Variants in DOCK2 observed in about 807,000 individuals in gnomAD.
DOCK2 encodes dedicator of cytokinesis protein 2.
DOCK2 carries 87 observed loss-of-function variants against 248.9 expected under a neutral mutation model. The observed-to-expected ratio is 0.35, with a 90% confidence interval of 0.29 to 0.42. The LOEUF (loss-of-function observed/expected upper bound fraction) is 0.42. Ranked by LOEUF, DOCK2 falls within the 10% of genes least tolerant of loss-of-function variation. The pLI is 1.00. For synonymous variants in DOCK2, 805 were observed against 821.6 expected (o/e 0.98, Z 0.35); for missense variants, 1,747 against 2,300.2 (o/e 0.76, Z 4.92).
At chr5:169,674,104 A>G (rs530550576) in intron 5 of DOCK2, among the ~76,000 whole-genome samples, 193 bp from the exon 6 acceptor site, 2 of 152,178 alleles carry the variant, frequency 1.3e-5, no homozygotes, top group Admixed American at 1.3e-4. Flanking sequence ...CTTTTGGGAA[A>G]TCCCTGTGGT....
intron 23 of DOCK2, among the ~76,000 whole-genome samples, chr5:169,755,288 G>T (rs138919073): frequency 5.8e-4 from 88 of 152,260 alleles, no homozygotes; most frequent in African/African-American, 2.0e-3. Context: ...CGTATTATAT[G>T]AGTATGTGTG....
intron 25 of DOCK2, among the ~76,000 whole-genome samples, chr5:169,767,235 G>A (rs929769016): frequency 1.3e-5 from 2 of 151,978 alleles, no homozygotes; most frequent in Non-Finnish European, 2.9e-5. Context: ...TTTTTAATGG[G>A]GTTGTTGTTT....
chr5:170,077,110 A>G (rs1382619590), intron 47 of DOCK2, among the ~76,000 whole-genome samples: 2 of 152,226 alleles, frequency 1.3e-5, no homozygotes, highest in Non-Finnish European at 2.9e-5. Flanking sequence ...AGCCAGGTAA[A>G]GAGACACAGA....
At chr5:169,702,252 T>C in intron 13 of DOCK2, 51 bp from the exon 14 acceptor site, 1 of 1,599,444 alleles carries the variant, frequency 6.3e-7, no homozygotes. Context: ...AGTCAGCGTC[T>C]CTCCTGCTGT....
chr5:169,871,011 AG>A (rs1242521141), intron 27 of DOCK2, among the ~76,000 whole-genome samples: 2 of 152,214 alleles, frequency 1.3e-5, no homozygotes, highest in African/African-American at 4.8e-5. Context: ...GTCTACAGAC[AG>A]CTGTATTCCC....
At chr5:169,684,849 G>T (rs1218982287) in intron 8 of DOCK2, among the ~76,000 whole-genome samples, 2 of 152,138 alleles carry the variant, frequency 1.3e-5, no homozygotes, top group African/African-American at 2.4e-5. Context: ...GGGTCTTGCT[G>T]CATTGTCCAG....
intron 32 of DOCK2, among the ~76,000 whole-genome samples, chr5:170,017,781 C>A (rs1581530464): frequency 6.6e-6 from 1 of 152,196 alleles, no homozygotes; most frequent in African/African-American, 2.4e-5. Flanking sequence ...ACACTCAGGC[C>A]GTCTGGCTCC....
intron 27 of DOCK2, among the ~76,000 whole-genome samples, chr5:169,918,522 T>C (rs112096844): frequency 2.6e-5 from 4 of 152,202 alleles, no homozygotes; most frequent in African/African-American, 7.2e-5. Context: ...GATGGATCCA[T>C]ATGTGGTGAA....
chr5:169,937,590 TTATC>T (rs910519440), intron 27 of DOCK2, among the ~76,000 whole-genome samples: 23 of 152,364 alleles, frequency 1.5e-4, no homozygotes, highest in African/African-American at 5.0e-4. Context: ...GCTCAGTTCT[TTATC>T]TATATTAACT....
At chr5:170,074,243 T>C (rs1757770713) in intron 46 of DOCK2, among the ~76,000 whole-genome samples, 1 of 152,230 alleles carries the variant, frequency 6.6e-6, no homozygotes, top group Admixed American at 6.5e-5. Flanking sequence ...GCTCTCTTTA[T>C]TCTATTTCTT....
Position 169,803,131 on chromosome 5 carries a change from A to T in DOCK2, c.2628A>T (p.Gln876His). 5 of 1,614,160 alleles carry T rather than the reference A, an allele frequency of 3.1e-6. No homozygotes were observed. Among genetic ancestry groups the T allele is most frequent in the Non-Finnish European group, 4.2e-6 (5 of 1,180,006 alleles). Residue 876 changes from glutamine (Q) to histidine (H), a missense_variant, in exon 26 of 52, where the codon CAA becomes CAT. Around this residue, in one of 4 missense-constraint regions of DOCK2, gnomAD observed 858 missense variants for 1,183.5 expected, o/e 0.72. Transcript: ENST00000520908. ...KELLEQKDDM[Q>H]HQVLERKYCV... The stretch of plus-strand genomic sequence containing the variant: ...TGCTGGAGCAGAAGGATGACATGCA[A>T]CACCAGGTCCTGGAGAGGAAGTACT...
chr5:169,854,748 C>G (rs758626522), intron 27 of DOCK2, among the ~76,000 whole-genome samples: 1 of 152,224 alleles, frequency 6.6e-6, no homozygotes, highest in Non-Finnish European at 1.5e-5. Flanking sequence ...GCATTTACAG[C>G]ATCTCAGGCA....
intron 8 of DOCK2, among the ~76,000 whole-genome samples, chr5:169,686,278 A>G (rs1037765529): frequency 1.3e-5 from 2 of 152,186 alleles, no homozygotes; most frequent in African/African-American, 4.8e-5. Context: ...TGCCTGCCAC[A>G]TTGACAAGGG....
chr5:169,911,969 T>C (rs1774622060), intron 27 of DOCK2, among the ~76,000 whole-genome samples: 1 of 152,196 alleles, frequency 6.6e-6, no homozygotes. Context: ...TAGGTTGAAA[T>C]TGTTCTCTCT....
At chr5:169,947,877 T>A (rs562967712) in intron 27 of DOCK2, among the ~76,000 whole-genome samples, 38 of 152,264 alleles carry the variant, frequency 2.5e-4, no homozygotes, top group African/African-American at 8.2e-4. Flanking sequence ...TGGGTGAGCA[T>A]GAGCATACAG....
At chr5:169,802,974 TAATG>T (rs1767093066) in intron 25 of DOCK2, 80 bp from the exon 26 acceptor site, 1 of 1,466,676 alleles carries the variant, frequency 6.8e-7, no homozygotes, top group Non-Finnish European at 9.2e-7. Flanking sequence ...ACTATTTATT[TAATG>T]AAACATTGTA....
In DOCK2 at chr5:170,036,568, T is replaced by G; in HGVS notation, c.3665+13T>G. ...AGATGTACATAAGGTAAGATTCATA[T>G]TTTCTAAAATCCAGACCTGCTGTGT... On this transcript the variant is annotated intron_variant, in intron 36 of 51. Transcript: ENST00000520908. The G allele has an allele frequency of 6.2e-7, 1 of 1,612,480 alleles. No homozygotes were observed. Among genetic ancestry groups the G allele is most frequent in the East Asian group, 2.2e-5 (1 of 44,804 alleles).
intron 27 of DOCK2, among the ~76,000 whole-genome samples, chr5:169,901,828 A>G (rs541925859): frequency 5.3e-5 from 8 of 152,362 alleles, no homozygotes; most frequent in African/African-American, 1.7e-4. Flanking sequence ...GCCATGTGCT[A>G]TGGTGTTACC....
chr5:169,764,421 G>A lies in DOCK2; in HGVS notation c.2554+2796G>A, dbSNP rs973588671. Among the ~76,000 whole-genome samples, 2 of 152,152 alleles carry A rather than the reference G, an allele frequency of 1.3e-5. No homozygotes were observed. Among genetic ancestry groups the A allele is most frequent in the Admixed American group, 6.5e-5 (1 of 15,276 alleles). Reference sequence around the variant, plus strand: ...GTGGTTCTTGGGTCACACTAGACCCGAGTTTACTTCCTGGTTCAGCTTTTT... The same window carrying A: ...GTGGTTCTTGGGTCACACTAGACCCAAGTTTACTTCCTGGTTCAGCTTTTT... On this transcript the variant is annotated intron_variant, in intron 25 of 51. Coordinates refer to ENST00000520908, the MANE Select transcript of DOCK2 (RefSeq NM_004946.3). This position sits in a 1 kb window ranked among gnomAD's most constrained non-coding sequence, Gnocchi z 4.3.
Sources: allele counts gnomAD v4.1 joint callset (sites outside exome capture counted in the v4.1 genomes callset), GRCh38; gene constraint gnomAD v4.1.1; regional missense constraint gnomAD v4.1.1; non-coding constraint Gnocchi (gnomAD v3.1); transcripts MANE v1.5; gene names NCBI Gene and HGNC (gene_info 2026-07-23, HGNC 2026-07-21).